ADGRL3: variants seen among roughly 807,000 people sequenced by gnomAD.
ADGRL3 encodes the protein calcium-independent alpha-latrotoxin receptor 3.
Under a neutral mutation model 153.5 loss-of-function variants are expected in ADGRL3, and 62 were observed. That is an observed-to-expected ratio of 0.40 (90% confidence interval 0.33 to 0.50). ADGRL3 has a LOEUF of 0.50. Ranked by LOEUF, ADGRL3 falls within the 20% of genes least tolerant of loss-of-function variation. The probability of loss-of-function intolerance (pLI) is 0.47; values close to 1 mark genes in which losing one functional copy is unlikely to be tolerated. For missense variants in ADGRL3, 1,641 were observed against 1,859.4 expected, an observed-to-expected ratio of 0.88 and a Z score of 2.16; for synonymous variants, 710 against 672.5, an observed-to-expected ratio of 1.06 and a Z score of -0.86.
At chr4:61,257,602 T>C (rs1050578230) in intron 1 of ADGRL3, among the ~76,000 whole-genome samples, 1 of 152,134 alleles carries the variant, frequency 6.6e-6, no homozygotes, top group Non-Finnish European at 1.5e-5. Context: ...ATGTATTTTA[T>C]TAGTGCAGTT....
At chr4:61,913,602 G>C (rs552669196) in intron 13 of ADGRL3, among the ~76,000 whole-genome samples, 1 of 152,280 alleles carries the variant, frequency 6.6e-6, no homozygotes, top group South Asian at 2.1e-4. Flanking sequence ...CAGTTAATTT[G>C]CAGGTGAACA....
chr4:61,415,945 C>T (rs1000473222), intron 2 of ADGRL3, among the ~76,000 whole-genome samples: 1 of 151,978 alleles, frequency 6.6e-6, no homozygotes, highest in Non-Finnish European at 1.5e-5. Flanking sequence ...TTCCATAAAA[C>T]ATTGCAGAGT....
intron 10 of ADGRL3, among the ~76,000 whole-genome samples, chr4:61,895,389 C>T (rs1267042699): frequency 2.0e-5 from 3 of 151,950 alleles, no homozygotes; most frequent in Non-Finnish European, 4.4e-5. Context: ...TCACTTGAAC[C>T]CGGGAGGCAG....
chr4:62,058,760 G>A (rs1400701272), intron 25 of ADGRL3, among the ~76,000 whole-genome samples: 4 of 152,050 alleles, frequency 2.6e-5, no homozygotes, highest in East Asian at 1.9e-4. Context: ...CAACAATTTC[G>A]CAGCTATTAG....
chr4:61,556,782 T>C (rs969480862), intron 4 of ADGRL3, among the ~76,000 whole-genome samples: 3 of 152,202 alleles, frequency 2.0e-5, no homozygotes, highest in Admixed American at 6.5e-5. Context: ...GAAGGAGTTA[T>C]TGAGGTTGTG....
At chr4:61,210,348 G>A (rs1025001492) in intron 1 of ADGRL3, among the ~76,000 whole-genome samples, 2 of 152,062 alleles carry the variant, frequency 1.3e-5, no homozygotes, top group Non-Finnish European at 2.9e-5. Flanking sequence ...ATCCCGCAGA[G>A]GCAGAGTGTG....
At chr4:61,873,037 A>G (rs545829231) in intron 9 of ADGRL3, among the ~76,000 whole-genome samples, 1 of 152,370 alleles carries the variant, frequency 6.6e-6, no homozygotes, top group South Asian at 2.1e-4. Flanking sequence ...GAAGAGGAAG[A>G]TAAAACTTGT....
intron 5 of ADGRL3, among the ~76,000 whole-genome samples, chr4:61,670,938 C>T (rs887108780): frequency 6.6e-6 from 1 of 152,150 alleles, no homozygotes; most frequent in African/African-American, 2.4e-5. Flanking sequence ...CCTGCACAGG[C>T]AACTAGAAAG....
At chr4:61,305,459 T>A (rs982104166) in intron 1 of ADGRL3, among the ~76,000 whole-genome samples, 1 of 152,172 alleles carries the variant, frequency 6.6e-6, no homozygotes, top group Non-Finnish European at 1.5e-5. Flanking sequence ...TCTGTTTATA[T>A]AAGTAGATGT....
chr4:61,530,100 T>G (rs2098603127), intron 4 of ADGRL3, among the ~76,000 whole-genome samples: 1 of 152,132 alleles, frequency 6.6e-6, no homozygotes, highest in Admixed American at 6.5e-5. Context: ...GCCAGTTCTG[T>G]AGGGATTTTG....
At chr4:61,392,153 G>A (rs1560564757) in intron 2 of ADGRL3, among the ~76,000 whole-genome samples, 1 of 151,356 alleles carries the variant, frequency 6.6e-6, no homozygotes, top group African/African-American at 2.4e-5. Context: ...ACAGGCGTGA[G>A]CCCCCCTGCC....
intron 13 of ADGRL3, among the ~76,000 whole-genome samples, chr4:61,916,984 T>G (rs1425095135): frequency 6.6e-6 from 1 of 152,056 alleles, no homozygotes; most frequent in Non-Finnish European, 1.5e-5. Flanking sequence ...ATAAATTTAT[T>G]TATTAGGCAT....
At chr4:62,015,376 G>A (rs1020920308) in intron 21 of ADGRL3, among the ~76,000 whole-genome samples, 3 of 152,192 alleles carry the variant, frequency 2.0e-5, no homozygotes, top group East Asian at 1.9e-4. Flanking sequence ...CCGCAACTGA[G>A]ATTGACAGTC....
chr4:61,387,164 C>A (rs1235139508), intron 2 of ADGRL3, among the ~76,000 whole-genome samples: 1 of 152,202 alleles, frequency 6.6e-6, no homozygotes, highest in Non-Finnish European at 1.5e-5. Flanking sequence ...GCCACAAAAA[C>A]CAGCAAGTTT....
At chr4:61,762,593 A>G (rs1291163576) in intron 8 of ADGRL3, among the ~76,000 whole-genome samples, 1 of 152,200 alleles carries the variant, frequency 6.6e-6, no homozygotes, top group East Asian at 1.9e-4. Context: ...AAAAGATTTC[A>G]AAGGCAAATA....
chr4:61,982,754 G>A (rs1305707197), intron 18 of ADGRL3, among the ~76,000 whole-genome samples: 1 of 152,112 alleles, frequency 6.6e-6, no homozygotes, highest in Non-Finnish European at 1.5e-5. Flanking sequence ...AGCAGTTTGG[G>A]AACATTTAAT....
At chr4:61,569,229 A>G (rs1242415542) in intron 4 of ADGRL3, among the ~76,000 whole-genome samples, 1 of 152,166 alleles carries the variant, frequency 6.6e-6, no homozygotes, top group Non-Finnish European at 1.5e-5. Flanking sequence ...ATGTTATGAT[A>G]AAATTTATTT....
At chr4:61,592,273 A>G (rs1485465765) in intron 5 of ADGRL3, among the ~76,000 whole-genome samples, 1 of 152,140 alleles carries the variant, frequency 6.6e-6, no homozygotes, top group East Asian at 1.9e-4. Context: ...TGGAGGGTAC[A>G]TAGCCTAGTA....
intron 13 of ADGRL3, among the ~76,000 whole-genome samples, chr4:61,933,176 A>G (rs2098824745): frequency 6.6e-6 from 1 of 152,140 alleles, no homozygotes; most frequent in Non-Finnish European, 1.5e-5. Flanking sequence ...AGCATTTTTA[A>G]TGAATTCACA....
Sources: gnomAD v4.1 joint callset for allele counts (sites outside exome capture counted in the v4.1 genomes callset) on GRCh38, gnomAD v4.1.1 for gene constraint, MANE v1.5 for transcripts, NCBI Gene and HGNC (gene_info 2026-07-23, HGNC 2026-07-21) for gene names.